Variants in LIMCH1 observed in about 807,000 individuals in gnomAD.
LIMCH1 encodes LIM and calponin homology domains 1.
In LIMCH1, 113 loss-of-function variants were observed where a neutral mutation model predicts 176.5. The observed-to-expected ratio is 0.64, with a 90% CI of 0.55 to 0.75. LIMCH1 has a LOEUF of 0.75. Ranked by LOEUF, LIMCH1 falls within the 30% of genes least tolerant of loss-of-function variation. LIMCH1 has a pLI of 0.00. For synonymous variants in LIMCH1, 619 were observed against 645.9 expected (o/e 0.96, Z 0.63); for missense variants, 1,674 against 1,814.9 (o/e 0.92, Z 1.41).
chr4:41,514,804 T>A lies in LIMCH1; in HGVS notation c.168-9605T>A, dbSNP rs1358345436. Among the ~76,000 whole-genome samples, 9 of 152,336 alleles carry A rather than the reference T, an allele frequency of 5.9e-5. No individual in the cohort carries two copies. In the East Asian group the frequency reaches 1.7e-3, roughly 29 times the overall value. ...AATCCTTACTGCACCTATCTTGCTA[T>A]GCCTGTCCTTAGTTTACATCCTTAC... On this transcript the variant is annotated intron_variant, in intron 2 of 26. Coordinates refer to the LIMCH1 transcript ENST00000313860.
intron 4 of LIMCH1, chr4:41,613,193 C>CA: frequency 2.1e-6 from 2 of 965,724 alleles, no homozygotes; most frequent in Non-Finnish European, 1.5e-6. Flanking sequence ...TTTCTCTACT[C>CA]TTTTTTTTTT....
At chr4:41,478,651 C>T (rs1327978352) in intron 1 of LIMCH1, among the ~76,000 whole-genome samples, 1 of 152,318 alleles carries the variant, frequency 6.6e-6, no homozygotes, top group South Asian at 2.1e-4. Flanking sequence ...ACAACTGTTA[C>T]AGGACTGTGT....
chr4:41,524,099 C>T (rs1360590510), intron 2 of LIMCH1, among the ~76,000 whole-genome samples: 1 of 152,166 alleles, frequency 6.6e-6, no homozygotes. Context: ...GTTCCAGTTC[C>T]AGATAATTCC....
intron 1 of LIMCH1, among the ~76,000 whole-genome samples, chr4:41,460,438 T>G (rs1312956804): frequency 9.6e-6 from 1 of 103,970 alleles, no homozygotes; most frequent in African/African-American, 4.8e-5. Context: ...TAGGTAAATT[T>G]GTTCCACTAT....
At chr4:41,367,793 G>A (rs989199387) in intron 1 of LIMCH1, among the ~76,000 whole-genome samples, 26 of 151,216 alleles carry the variant, frequency 1.7e-4, no homozygotes, top group African/African-American at 6.3e-4. Flanking sequence ...TGTGAACCTG[G>A]GAGGCGGAAC....
chr4:41,612,086 G>A (rs868741458), intron 4 of LIMCH1, among the ~76,000 whole-genome samples: 1 of 152,178 alleles, frequency 6.6e-6, no homozygotes, highest in African/African-American at 2.4e-5. Flanking sequence ...TCTGTCTGGA[G>A]GCTGCAGGGT....
At chr4:41,577,475 G>T (rs1193841693) in intron 1 of LIMCH1, among the ~76,000 whole-genome samples, 1 of 152,070 alleles carries the variant, frequency 6.6e-6, no homozygotes, top group Non-Finnish European at 1.5e-5. Flanking sequence ...TCTCACCCAG[G>T]CTGAAGTGTA....
chr4:41,363,846 A>G (rs150187584), intron 1 of LIMCH1, among the ~76,000 whole-genome samples: 1 of 152,220 alleles, frequency 6.6e-6, no homozygotes, highest in Non-Finnish European at 1.5e-5. Flanking sequence ...TGCACATCTA[A>G]CTGTGTTTGG....
At chr4:41,461,951 T>G (rs773463429) in intron 1 of LIMCH1, among the ~76,000 whole-genome samples, 30 of 152,228 alleles carry the variant, frequency 2.0e-4, no homozygotes, top group Non-Finnish European at 3.5e-4. Flanking sequence ...TGCAGGACTA[T>G]CTAAATCAGT....
intron 1 of LIMCH1, among the ~76,000 whole-genome samples, chr4:41,378,606 G>C (rs2055141958): frequency 6.6e-6 from 1 of 152,154 alleles, no homozygotes; most frequent in Non-Finnish European, 1.5e-5. Flanking sequence ...TAGTGTAGGG[G>C]ATGATTACGA....
At chr4:41,668,291 T>C (rs185041900) in intron 21 of LIMCH1, among the ~76,000 whole-genome samples, 1 of 152,320 alleles carries the variant, frequency 6.6e-6, no homozygotes, top group East Asian at 1.9e-4. Flanking sequence ...GAAACAAGTT[T>C]AATACTGTTT....
intron 19 of LIMCH1, 125 bp downstream of exon 19, chr4:41,661,635 G>A (rs2094624156): frequency 2.7e-6 from 2 of 730,984 alleles, no homozygotes; most frequent in Non-Finnish European, 4.8e-6. Context: ...GGAGTGGTGC[G>A]GTTGTGCTGC....
intron 1 of LIMCH1, among the ~76,000 whole-genome samples, chr4:41,547,855 G>T (rs1192529466): frequency 3.3e-5 from 3 of 90,700 alleles, no homozygotes; most frequent in Non-Finnish European, 6.3e-5. Flanking sequence ...TATATAATTT[G>T]TGTGTGTGTA....
chr4:41,365,968 G>A (rs1308647652), intron 1 of LIMCH1, among the ~76,000 whole-genome samples: 1 of 152,198 alleles, frequency 6.6e-6, no homozygotes, highest in Non-Finnish European at 1.5e-5. Flanking sequence ...GGGTCTCTTG[G>A]CCTCCAGCTC....
intron 21 of LIMCH1, among the ~76,000 whole-genome samples, chr4:41,667,626 AT>A (rs2094873940): frequency 6.6e-6 from 1 of 152,130 alleles, no homozygotes; most frequent in South Asian, 2.1e-4. Context: ...TGTGTAGACC[AT>A]ATATAGGGTT....
At chr4:41,430,513 C>T (rs1336485506) in intron 1 of LIMCH1, among the ~76,000 whole-genome samples, 3 of 152,230 alleles carry the variant, frequency 2.0e-5, no homozygotes, top group Admixed American at 1.3e-4. Flanking sequence ...CTGTCTGCCT[C>T]GGCCTCCCAA....
intron 26 of LIMCH1, among the ~76,000 whole-genome samples, chr4:41,683,803 C>T (rs1255370112): frequency 1.3e-5 from 2 of 152,202 alleles, no homozygotes; most frequent in Non-Finnish European, 2.9e-5. Flanking sequence ...GCAATGAAAA[C>T]CACTAGTCAG....
chr4:41,680,966 A>G lies in LIMCH1; in HGVS notation c.3624A>G (p.Ile1208Met). 1 of 1,596,370 alleles carries G rather than the reference A, an allele frequency of 6.3e-7. No individual in the cohort carries two copies. The highest frequency in any genetic ancestry group is 8.6e-7 in the Non-Finnish European group (1 of 1,164,490). ...ERRYYEEERK[I>M]IEDTVVPFTV... ...GTCCTTCCCCTTAGGAGCGTAAGAT[A>G]ATTGAAGACACTGTGGTTCCATTTA... The change falls in exon 25 of 32, where the codon ATA becomes ATG. Residue 1208 changes from isoleucine (I) to methionine (M), a missense_variant. Physicochemically the swap from Ile to Met is conservative, Grantham distance 10 (BLOSUM62 1). Coordinates refer to ENST00000503057, the MANE Select transcript of LIMCH1 (RefSeq NM_001330672.2).
chr4:41,571,753 T>C (rs531617341), intron 1 of LIMCH1, among the ~76,000 whole-genome samples: 1 of 152,238 alleles, frequency 6.6e-6, no homozygotes, highest in Admixed American at 6.5e-5. Context: ...CTGCAGGTAA[T>C]GACAAGATTC....
Sources: gnomAD v4.1 joint callset for allele counts (sites outside exome capture counted in the v4.1 genomes callset) on GRCh38, gnomAD v4.1.1 for gene constraint, MANE v1.5 for transcripts, NCBI Gene and HGNC (gene_info 2026-07-23, HGNC 2026-07-21) for gene names.